The following MYO1D variants were observed in gnomAD, a reference collection of about 807,000 sequenced individuals.
MYO1D encodes the protein unconventional myosin-Id.
MYO1D carries 83 observed loss-of-function variants against 122.0 expected under a neutral mutation model. The ratio of observed to expected loss-of-function variants is 0.68; its 90% CI spans 0.57 to 0.82. The LOEUF (loss-of-function observed/expected upper bound fraction) is 0.82, where lower values mean the gene tolerates loss of function less well. MYO1D is among the 40% of genes least tolerant of loss of function. The probability of loss-of-function intolerance (pLI) is 0.00; values close to 1 mark genes in which losing one functional copy is unlikely to be tolerated. For synonymous variants in MYO1D, 464 were observed against 446.9 expected, an observed-to-expected ratio of 1.04 and a Z score of -0.48; for missense variants, 1,157 against 1,269.5, an observed-to-expected ratio of 0.91 and a Z score of 1.35.
At chr17:32,738,599 T>C (rs2089736309) in intron 13 of MYO1D, among the ~76,000 whole-genome samples, 1 of 152,220 alleles carries the variant, frequency 6.6e-6, no homozygotes, top group South Asian at 2.1e-4. Context: ...TTCCAAACTA[T>C]AGCATATTTT....
rs998047787 is a variant in MYO1D, at chr17:32,774,299, G to T, written c.565-1457C>A. Among the ~76,000 whole-genome samples the T allele has an allele frequency of 8.5e-5, 13 of 152,272 alleles. No homozygotes were observed. The East Asian group carries it at 2.5e-3, about 29-fold the overall frequency. Reference sequence around the variant, plus strand: ...CATCTAAGAATGAGTCTTCTCTATGGGGTTTCCCCTGCAATTCTTTGATAA... The same window carrying T: ...CATCTAAGAATGAGTCTTCTCTATGTGGTTTCCCCTGCAATTCTTTGATAA... On this transcript the variant is annotated intron_variant, in intron 4 of 21. Coordinates refer to ENST00000318217, the MANE Select transcript of MYO1D (RefSeq NM_015194.3).
At chr17:32,766,957 A>G (rs1336916437) in intron 7 of MYO1D, among the ~76,000 whole-genome samples, 1 of 152,212 alleles carries the variant, frequency 6.6e-6, no homozygotes, top group African/African-American at 2.4e-5. Flanking sequence ...ATTTTTCATA[A>G]AGATCCTGCA....
intron 11 of MYO1D, among the ~76,000 whole-genome samples, chr17:32,749,819 G>A (rs894998539): frequency 7.9e-5 from 12 of 152,124 alleles, no homozygotes; most frequent in Non-Finnish European, 1.6e-4. Context: ...TCCTTAAGGA[G>A]GACCATACTG....
intron 1 of MYO1D, among the ~76,000 whole-genome samples, chr17:32,834,449 T>C (rs1160768890): frequency 6.6e-6 from 1 of 152,198 alleles, no homozygotes; most frequent in African/African-American, 2.4e-5. Context: ...GCTAACAACA[T>C]GTGAATTATC....
chr17:32,556,699 C>T (rs1244976618), intron 21 of MYO1D, among the ~76,000 whole-genome samples: 1 of 152,016 alleles, frequency 6.6e-6, no homozygotes, highest in Non-Finnish European at 1.5e-5. Context: ...TGTTTAACTA[C>T]ATATAAAACT....
chr17:32,778,400 C>A (rs1380950278), intron 3 of MYO1D, 80 bp downstream of exon 3: 52 of 1,386,448 alleles, frequency 3.8e-5, no homozygotes, highest in Non-Finnish European at 4.7e-5. Flanking sequence ...AAATGCTCAA[C>A]CCCTAGAGTT....
intron 21 of MYO1D, among the ~76,000 whole-genome samples, chr17:32,597,510 A>AT (rs2087508321): frequency 1.3e-5 from 2 of 152,070 alleles, no homozygotes; most frequent in Admixed American, 1.3e-4. Context: ...GTCATAGGAG[A>AT]TATCTATATA....
At position 32,867,087 on chromosome 17, in the gene MYO1D, G is replaced by A. The variant is rs568652635; in HGVS notation, c.95+9691C>T. Among the ~76,000 whole-genome samples, 7 of 151,994 alleles carry A rather than the reference G, an allele frequency of 4.6e-5. No homozygotes were observed. In the South Asian group the frequency reaches 8.3e-4, roughly 18 times the overall value. On this transcript the variant is annotated intron_variant, in intron 1 of 21. Coordinates refer to ENST00000318217, the MANE Select transcript of MYO1D (RefSeq NM_015194.3). ...GCCCTTAAAAGAATGGATTGTCTTG[G>A]GAGGCCAAGGCGGGTGAATCATGAG... is the stretch of plus-strand genomic sequence containing the variant.
chr17:32,510,987 C>CACCAA (rs1391504482), intron 21 of MYO1D: 8 of 151,590 alleles, frequency 5.3e-5, no homozygotes, highest in South Asian at 2.1e-4. Flanking sequence ...AACAGAATAC[C>CACCAA]ACCAAACCAA....
intron 21 of MYO1D, among the ~76,000 whole-genome samples, chr17:32,536,480 C>T (rs1018215855): frequency 2.6e-5 from 4 of 152,192 alleles, no homozygotes; most frequent in Non-Finnish European, 4.4e-5. Flanking sequence ...CTTTTATTAT[C>T]ATGGCCGAAT....
chr17:32,672,025 G>A (rs1224669994), intron 16 of MYO1D, among the ~76,000 whole-genome samples: 1 of 152,144 alleles, frequency 6.6e-6, no homozygotes. Flanking sequence ...CCTGCATAAG[G>A]AAACAAAAAT....
At chr17:32,530,201 G>A (rs1055358810) in intron 21 of MYO1D, among the ~76,000 whole-genome samples, 4 of 152,218 alleles carry the variant, frequency 2.6e-5, no homozygotes, top group African/African-American at 9.6e-5. Flanking sequence ...CACTCTGTCT[G>A]TGGTCTTGGG....
At position 32,738,309 on chromosome 17, in the gene MYO1D, C is replaced by T; in HGVS notation, c.1690G>A (p.Ala564Thr). Reference sequence around the variant, plus strand: ...ATAGAATTCTTAAACAAGGTAGCAGCAGTCAGAGGTCGCTTGGTCACCTCT... The same window carrying T: ...ATAGAATTCTTAAACAAGGTAGCAGTAGTCAGAGGTCGCTTGGTCACCTCT... ...ITEVTKRPLT[A>T]ATLFKNSMIA... is the part of the protein sequence containing the mutation. Residue 564 changes from alanine to threonine, a missense_variant, in exon 14 of 22, where the codon GCT becomes ACT. Transcript: ENST00000318217. 6.2e-7 allele frequency: 1 copy of T among 1,610,360 alleles called. No homozygotes were observed. Among genetic ancestry groups the T allele is most frequent in the Non-Finnish European group, 8.5e-7 (1 of 1,178,256 alleles).
intron 16 of MYO1D, among the ~76,000 whole-genome samples, chr17:32,674,600 C>T (rs913990356): frequency 1.3e-5 from 2 of 152,040 alleles, no homozygotes; most frequent in Admixed American, 1.3e-4. Flanking sequence ...AATAATTCAC[C>T]ATAAAAAGCA....
At chr17:32,646,053 G>C (rs933110302) in intron 19 of MYO1D, among the ~76,000 whole-genome samples, 5 of 152,084 alleles carry the variant, frequency 3.3e-5, no homozygotes, top group Non-Finnish European at 7.3e-5. Context: ...TTTGGTCTTT[G>C]ATGATGGTGA....
At chr17:32,603,107 T>C (rs1368175601) in intron 21 of MYO1D, among the ~76,000 whole-genome samples, 1 of 151,856 alleles carries the variant, frequency 6.6e-6, no homozygotes, top group Non-Finnish European at 1.5e-5. Flanking sequence ...CCTAGCATCT[T>C]GATAGTCTTC....
intron 8 of MYO1D, among the ~76,000 whole-genome samples, chr17:32,761,372 T>C (rs1268754849): frequency 1.3e-5 from 2 of 152,206 alleles, no homozygotes; most frequent in Non-Finnish European, 2.9e-5. Flanking sequence ...CACCTCTACA[T>C]AGATACTTCT....
At chr17:32,817,263 C>T (rs1487012057) in intron 1 of MYO1D, among the ~76,000 whole-genome samples, 4 of 152,140 alleles carry the variant, frequency 2.6e-5, no homozygotes, top group African/African-American at 4.8e-5. Context: ...TAGCAATCTA[C>T]AAATTTTATG....
intron 1 of MYO1D, among the ~76,000 whole-genome samples, chr17:32,793,250 T>G (rs1485617462): frequency 6.6e-6 from 1 of 151,732 alleles, no homozygotes; most frequent in Non-Finnish European, 1.5e-5. Context: ...ACTCAAAGGC[T>G]TATATAAATA....
Sources: allele counts gnomAD v4.1 joint callset (sites outside exome capture counted in the v4.1 genomes callset), GRCh38; gene constraint gnomAD v4.1.1; transcripts MANE v1.5; gene names NCBI Gene and HGNC (gene_info 2026-07-23, HGNC 2026-07-21).